Variants in SPATA13 observed in about 807,000 individuals in gnomAD.
The protein encoded by SPATA13 is spermatogenesis associated 13, also known as spermatogenesis-associated protein 13.
A neutral mutation model predicts 104.0 loss-of-function variants in SPATA13; 50 were observed. The ratio of observed to expected loss-of-function variants is 0.48; its 90% CI spans 0.38 to 0.61. The LOEUF is 0.61. SPATA13 is among the 20% of genes least tolerant of loss of function. The pLI is 0.00. For synonymous variants in SPATA13, 606 were observed against 667.5 expected, an observed-to-expected ratio of 0.91 and a Z score of 1.42; for missense variants, 1,524 against 1,690.6, an observed-to-expected ratio of 0.90 and a Z score of 1.73.
In SPATA13 at chr13:24,277,438, C is replaced by T. The variant is rs9553226; in HGVS notation, c.2165-6697C>T. On this transcript the variant is annotated intron_variant, in intron 4 of 12. Transcript: ENST00000382108. ...CAGCCTGGGCAACAGAGCAAGACTC[C>T]GTCTCAAAAAAAAAAAAAAAAAAAG... 2.9e-4 allele frequency among the ~76,000 whole-genome samples: 28 copies of T among 97,188 alleles called. No individual in the cohort carries two copies. The East Asian group carries it at 3.4e-3, about 12-fold the overall frequency. The allele number at this position is 97,188 out of a possible 152,430, so 63.8% of individuals were successfully genotyped here.
intron 1 of SPATA13, among the ~76,000 whole-genome samples, chr13:24,188,149 T>TG (rs200650657): frequency 0.011 from 1,644 of 152,232 alleles, 28 homozygotes; most frequent in African/African-American, 0.037. Context: ...GAGACCAGCC[T>TG]GGGCAACATG....
chr13:24,222,956 G>A lies in SPATA13; in HGVS notation c.27G>A (p.Trp9Ter). 1 of 1,551,234 alleles carries A rather than the reference G, an allele frequency of 6.4e-7. No individual in the cohort carries two copies. The highest frequency in any genetic ancestry group is 8.7e-7 in the Non-Finnish European group (1 of 1,146,784). The change falls in exon 2 of 13, where the codon TGG (tryptophan) becomes TGA (stop). Residue 9 changes from tryptophan (W) to a stop codon, truncating the protein, a stop_gained. Transcript: ENST00000382108. LOFTEE classifies it high-confidence loss of function. ...TGACCCAGGCTGCCGTGCGGCCCTG[G>A]GCACCCTGCCTGGAGAACATGACCA... is the stretch of plus-strand genomic sequence containing the variant. MTQAAVRP[W>*]APCLENMTTA...
chr13:24,133,826 G>A (rs577288137), intron 3 of SPATA13, among the ~76,000 whole-genome samples: 1 of 152,288 alleles, frequency 6.6e-6, no homozygotes, highest in Admixed American at 6.5e-5. Flanking sequence ...GGGGCAAGGG[G>A]ACAGGGCAAA....
At chr13:24,237,133 G>A (rs957552494) in intron 2 of SPATA13, among the ~76,000 whole-genome samples, 1 of 152,098 alleles carries the variant, frequency 6.6e-6, no homozygotes, top group African/African-American at 2.4e-5. Flanking sequence ...CGAGGTGGGT[G>A]AATCATGAGG....
At chr13:24,017,301 G>C (rs1345158103) in intron 2 of SPATA13, among the ~76,000 whole-genome samples, 1 of 152,180 alleles carries the variant, frequency 6.6e-6, no homozygotes, top group Non-Finnish European at 1.5e-5. Flanking sequence ...TGGGCGTGCA[G>C]CAAGTGAGTG....
intron 2 of SPATA13, among the ~76,000 whole-genome samples, chr13:23,984,661 G>A (rs1298972092): frequency 2.0e-5 from 3 of 152,212 alleles, no homozygotes; most frequent in Non-Finnish European, 2.9e-5. Flanking sequence ...ACCTGGTGGA[G>A]CTTTTCCAAG....
intron 2 of SPATA13, among the ~76,000 whole-genome samples, chr13:24,238,250 G>A (rs894620421): frequency 1.6e-4 from 23 of 144,866 alleles, no homozygotes; most frequent in African/African-American, 5.4e-4. Context: ...TTCGCCTCCC[G>A]GGTTCAAGCG....
chr13:24,248,752 C>T (rs767426215), intron 2 of SPATA13, among the ~76,000 whole-genome samples: 1 of 152,276 alleles, frequency 6.6e-6, no homozygotes. Flanking sequence ...AAGTAGTGCA[C>T]GTTATTGAAA....
intron 1 of SPATA13, among the ~76,000 whole-genome samples, chr13:24,219,039 A>G (rs371755316): frequency 3.3e-4 from 49 of 147,880 alleles, no homozygotes; most frequent in African/African-American, 1.1e-3. Context: ...TCTAAAGTTC[A>G]TACACCCTAG....
intron 2 of SPATA13, among the ~76,000 whole-genome samples, chr13:24,003,095 T>G (rs891432349): frequency 6.6e-5 from 10 of 152,182 alleles, no homozygotes; most frequent in African/African-American, 2.4e-4. Flanking sequence ...ATTTGCCCTT[T>G]TATTCAAAAT....
chr13:24,300,379 T>A (rs1877097504), intron 11 of SPATA13, 22 bp from the exon 12 acceptor site: 1 of 1,599,366 alleles, frequency 6.3e-7, no homozygotes, highest in Non-Finnish European at 8.6e-7. Context: ...TGAATATATA[T>A]CACATTTATT....
intron 2 of SPATA13, among the ~76,000 whole-genome samples, chr13:23,984,952 A>ACAT: frequency 6.6e-6 from 1 of 152,210 alleles, no homozygotes; most frequent in Non-Finnish European, 1.5e-5. Context: ...GCCGGCGTGC[A>ACAT]CATCACATGG....
chr13:24,026,321 T>C (rs4470012), intron 3 of SPATA13, among the ~76,000 whole-genome samples: 81,569 of 151,990 alleles, frequency 0.54, 22,066 homozygotes, highest in Middle Eastern at 0.57. Flanking sequence ...AGTTTTGTGT[T>C]CTTCACATGA....
chr13:24,066,456 G>A (rs1283335969), intron 3 of SPATA13, among the ~76,000 whole-genome samples: 1 of 152,126 alleles, frequency 6.6e-6, no homozygotes, highest in Non-Finnish European at 1.5e-5. Flanking sequence ...TCTTTTCCCA[G>A]CTTCAAGCCT....
At chr13:24,189,978 T>C (rs1593398127) in intron 1 of SPATA13, among the ~76,000 whole-genome samples, 1 of 49,940 alleles carries the variant, frequency 2.0e-5, no homozygotes, top group African/African-American at 6.1e-5. Flanking sequence ...ATATATATTA[T>C]ATAAATAATT....
At chr13:24,052,745 T>C (rs1010062150) in intron 3 of SPATA13, among the ~76,000 whole-genome samples, 48 of 119,006 alleles carry the variant, frequency 4.0e-4, no homozygotes, top group Admixed American at 5.5e-4. Context: ...TTCAGCATCC[T>C]GGCCTTGGAC....
chr13:24,134,223 G>A (rs966144100), intron 3 of SPATA13, among the ~76,000 whole-genome samples: 7 of 152,172 alleles, frequency 4.6e-5, no homozygotes, highest in African/African-American at 1.7e-4. Context: ...CTGCCTTTAT[G>A]CAGGGAGTAA....
chr13:24,215,171 C>A (rs1871210647), intron 1 of SPATA13, among the ~76,000 whole-genome samples: 1 of 152,196 alleles, frequency 6.6e-6, no homozygotes, highest in Non-Finnish European at 1.5e-5. Context: ...TAGCTGGTCA[C>A]CTCTGGCTTG....
chr13:24,068,533 AG>A (rs1292584232), intron 3 of SPATA13, among the ~76,000 whole-genome samples: 4 of 152,218 alleles, frequency 2.6e-5, no homozygotes, highest in Admixed American at 2.6e-4. Flanking sequence ...TTCTGTCATT[AG>A]GTCTTTGAAG....
Sources: allele counts gnomAD v4.1 joint callset (sites outside exome capture counted in the v4.1 genomes callset), GRCh38; gene constraint gnomAD v4.1.1; transcripts MANE v1.5; gene names NCBI Gene and HGNC (gene_info 2026-07-23, HGNC 2026-07-21).